EPS8: variants seen among roughly 807,000 people sequenced by gnomAD.
EPS8 encodes epidermal growth factor receptor kinase substrate 8.
Under a neutral mutation model 103.8 loss-of-function variants are expected in EPS8, and 42 were observed. The observed-to-expected ratio is 0.40, with a 90% confidence interval of 0.32 to 0.52. EPS8 has a LOEUF of 0.52. Among genes scored for constraint, EPS8 ranks in the 20% least tolerant of loss-of-function variants. The pLI, the probability that EPS8 is intolerant of heterozygous loss-of-function variation, is 0.40. For synonymous variants in EPS8, 344 were observed against 344.6 expected (o/e 1.00, Z 0.02); for missense variants, 969 against 1,005.1 (o/e 0.96, Z 0.49).
intron 13 of EPS8, among the ~76,000 whole-genome samples, chr12:15,652,171 T>C (rs192313940): frequency 3.1e-4 from 47 of 152,268 alleles, no homozygotes; most frequent in African/African-American, 7.7e-4. Flanking sequence ...TGCAGCAACA[T>C]GGATGGAACT....
At position 15,745,199 on chromosome 12, in the gene EPS8, C is replaced by A. The variant is rs548149743; in HGVS notation, c.-22+43962G>T. On this transcript the variant is annotated intron_variant, in intron 1 of 20. Coordinates refer to ENST00000281172, the MANE Select transcript of EPS8 (RefSeq NM_004447.6). This position sits in a 1 kb window ranked among gnomAD's most constrained non-coding sequence, Gnocchi z 4.6. ...TTTTAACATTATTTGTAAAGAAAAA[C>A]TCTACCTGTTTCAAAGAAATGAGTA... 5.9e-5 allele frequency among the ~76,000 whole-genome samples: 9 copies of A among 152,228 alleles called. No individual in the cohort carries two copies. Among genetic ancestry groups the A allele is most frequent in the African/African-American group, 2.2e-4 (9 of 41,552 alleles).
At position 15,728,585 on chromosome 12, in the gene EPS8, A is replaced by G. The variant is rs1352619083; in HGVS notation, c.-21-45613T>C. Among the ~76,000 whole-genome samples the G allele has an allele frequency of 1.3e-5, 2 of 152,196 alleles. No individual in the cohort carries two copies. Among genetic ancestry groups the G allele is most frequent in the Non-Finnish European group, 2.9e-5 (2 of 68,032 alleles). ...CATTGCTCCTAATACCACCATATTTATGTGAGGATAGCATATATCTTTTAC... is the reference window on the plus strand; with the variant it reads ...CATTGCTCCTAATACCACCATATTTGTGTGAGGATAGCATATATCTTTTAC... On this transcript the variant is annotated intron_variant, in intron 1 of 20. Coordinates refer to ENST00000281172, the MANE Select transcript of EPS8 (RefSeq NM_004447.6). This position sits in a 1 kb window ranked among gnomAD's most constrained non-coding sequence, Gnocchi z 4.5.
At chr12:15,634,542 C>T (rs73311006) in intron 17 of EPS8, among the ~76,000 whole-genome samples, 6,503 of 152,170 alleles carry the variant, frequency 0.043, 498 homozygotes, top group African/African-American at 0.15. Context: ...GTAAGCGCAA[C>T]AAAGCCATTA....
intron 12 of EPS8, among the ~76,000 whole-genome samples, chr12:15,657,453 A>AC (rs1469636275): frequency 2.6e-5 from 4 of 152,120 alleles, no homozygotes; most frequent in Admixed American, 2.0e-4. Context: ...TGATTTTTAG[A>AC]CTACTGTATT....
rs1413131056 is a variant in EPS8, at chr12:15,778,254, ACT to A, written c.-22+10905_-22+10906del. Among the ~76,000 whole-genome samples, 1 of 152,172 alleles carries A rather than the reference ACT, an allele frequency of 6.6e-6. No homozygotes were observed. The highest frequency in any genetic ancestry group is 2.4e-5 in the African/African-American group (1 of 41,446). Reference sequence around the variant, plus strand: ...GTGATTTTCAACAATGATTAAAAACACTCTGACACACACTCTTCAGGCATACG... The same window carrying A: ...GTGATTTTCAACAATGATTAAAAACACTGACACACACTCTTCAGGCATACG... On this transcript the variant is annotated intron_variant, in intron 1 of 20. Transcript: ENST00000281172. This position sits in a 1 kb window ranked among gnomAD's most constrained non-coding sequence, Gnocchi z 4.5.
Position 15,696,171 on chromosome 12 carries a change from C to T in EPS8, c.-21-13199G>A, listed in dbSNP as rs77201602. Among the ~76,000 whole-genome samples the T allele has an allele frequency of 5.5e-3, 840 of 152,156 alleles. 19 individuals carry two copies. The East Asian group carries it at 0.088, about 16-fold the overall frequency. On this transcript the variant is annotated intron_variant, in intron 1 of 20. Transcript: ENST00000281172. The surrounding 1 kb of genome is among the most constrained non-coding windows in gnomAD (Gnocchi z 4.8). ...TTTAATGTTTCAAGACAAGGTGAAA[C>T]AGTACTCTGTTGACAAAAAATATGT...
rs1401648277 is a variant in EPS8 at position 15,728,474 on chromosome 12, C to G, written c.-21-45502G>C. On this transcript the variant is annotated intron_variant, in intron 1 of 20. Transcript: ENST00000281172. This position sits in a 1 kb window ranked among gnomAD's most constrained non-coding sequence, Gnocchi z 4.5. ...TCATCTGTTCCTCACTACAAAGAACCTTAGAGAATGTTACACAAACACAGC... is the reference window on the plus strand; with the variant it reads ...TCATCTGTTCCTCACTACAAAGAACGTTAGAGAATGTTACACAAACACAGC... Among the ~76,000 whole-genome samples the G allele has an allele frequency of 6.6e-6, 1 of 152,136 alleles. No homozygotes were observed. Among genetic ancestry groups the G allele is most frequent in the Non-Finnish European group, 1.5e-5 (1 of 68,034 alleles).
rs1225618525 is a variant in EPS8, at chr12:15,717,953, TG to T, written c.-21-34982del. Among the ~76,000 whole-genome samples the T allele has an allele frequency of 6.6e-6, 1 of 152,216 alleles. No individual in the cohort carries two copies. Among genetic ancestry groups the T allele is most frequent in the Non-Finnish European group, 1.5e-5 (1 of 68,034 alleles). ...AGCTCCAATAAGACATGATCTTATT[TG>T]GCAATTTCAGTTAAAAAGACAGCAA... is the stretch of plus-strand genomic sequence containing the variant. On this transcript the variant is annotated intron_variant, in intron 1 of 20. Coordinates refer to ENST00000281172, the MANE Select transcript of EPS8 (RefSeq NM_004447.6). This position sits in a 1 kb window ranked among gnomAD's most constrained non-coding sequence, Gnocchi z 4.3.
intron 1 of EPS8, among the ~76,000 whole-genome samples, chr12:15,718,791 A>T (rs1946560931): frequency 6.6e-6 from 1 of 150,674 alleles, no homozygotes; most frequent in African/African-American, 2.4e-5. Context: ...TTTCCACAAA[A>T]AGTTAAACTC....
At chr12:15,631,068 G>A (rs1945036902) in intron 18 of EPS8, among the ~76,000 whole-genome samples, 1 of 152,156 alleles carries the variant, frequency 6.6e-6, no homozygotes, top group Non-Finnish European at 1.5e-5. Context: ...ATCCTATGAA[G>A]CAGATACTAT....
rs1322212793 is a variant in EPS8 at position 15,666,540 on chromosome 12, T to C, written c.517-18A>G. On this transcript the variant is annotated intron_variant, in intron 6 of 20. Transcript: ENST00000281172. ...AGGTTTGCCTGCAAAGAGACACAAG[T>C]TACCTGAAAGTTTATGGATTTTTCT... 3 of 1,590,958 alleles carry C rather than the reference T, an allele frequency of 1.9e-6. No individual in the cohort carries two copies. The highest frequency in any genetic ancestry group is 2.6e-6 in the Non-Finnish European group (3 of 1,159,390).
rs1472317231 is a variant in EPS8 at position 15,735,896 on chromosome 12, T to C, written c.-21-52924A>G. On this transcript the variant is annotated intron_variant, in intron 1 of 20. Transcript: ENST00000281172. The surrounding 1 kb of genome is among the most constrained non-coding windows in gnomAD (Gnocchi z 4.4). Reference sequence around the variant, plus strand: ...CAAAGACAAAGAGTTTGTGTTTTTTTGTGTTTTGTGACAGGGTCTTGCTCT... The same window carrying C: ...CAAAGACAAAGAGTTTGTGTTTTTTCGTGTTTTGTGACAGGGTCTTGCTCT... 6.6e-6 allele frequency among the ~76,000 whole-genome samples: 1 copy of C among 152,198 alleles called. No individual in the cohort carries two copies. The highest frequency in any genetic ancestry group is 2.4e-5 in the African/African-American group (1 of 41,448).
At position 15,734,165 on chromosome 12, in the gene EPS8, T is replaced by C. The variant is rs140854405; in HGVS notation, c.-21-51193A>G. On this transcript the variant is annotated intron_variant, in intron 1 of 20. Transcript: ENST00000281172. The surrounding 1 kb of genome is among the most constrained non-coding windows in gnomAD (Gnocchi z 4.1). ...CAGAAAATTCATTTTTAATAACCTA[T>C]AGATTAACAATGCCTTCAAAAATTT... Among the ~76,000 whole-genome samples the C allele has an allele frequency of 7.0e-3, 1,063 of 152,288 alleles. 10 individuals are homozygous for C. The highest frequency in any genetic ancestry group is 0.024 in the African/African-American group (986 of 41,560).
chr12:15,622,923 T>C (rs1944883741), intron 20 of EPS8, among the ~76,000 whole-genome samples: 2 of 152,336 alleles, frequency 1.3e-5, no homozygotes, highest in South Asian at 4.1e-4. Context: ...GAGAACATTA[T>C]GCTTTTTGTC....
chr12:15,651,847 T>C (rs760902193), intron 13 of EPS8, among the ~76,000 whole-genome samples: 9 of 152,210 alleles, frequency 5.9e-5, no homozygotes, highest in Non-Finnish European at 1.0e-4. Flanking sequence ...AGTACATTCA[T>C]TTCCTAATAC....
intron 1 of EPS8, among the ~76,000 whole-genome samples, chr12:15,741,097 T>C (rs1591911700): frequency 6.6e-6 from 1 of 152,264 alleles, no homozygotes; most frequent in South Asian, 2.1e-4. Flanking sequence ...TTCACCAAGG[T>C]GGGCTTCATG....
chr12:15,725,707 T>C lies in EPS8; in HGVS notation c.-21-42735A>G, dbSNP rs1221368673. On this transcript the variant is annotated intron_variant, in intron 1 of 20. Coordinates refer to ENST00000281172, the MANE Select transcript of EPS8 (RefSeq NM_004447.6). The surrounding 1 kb of genome is among the most constrained non-coding windows in gnomAD (Gnocchi z 4.5). Reference sequence around the variant, plus strand: ...TCATTAAAAGAATCCTGACTCATCATCATCAAATAACAGAGAAATGAACAA... The same window carrying C: ...TCATTAAAAGAATCCTGACTCATCACCATCAAATAACAGAGAAATGAACAA... 6.6e-6 allele frequency among the ~76,000 whole-genome samples: 1 copy of C among 152,200 alleles called. No individual in the cohort carries two copies. The highest frequency in any genetic ancestry group is 2.4e-5 in the African/African-American group (1 of 41,454).
chr12:15,631,817 C>A (rs1452903724), intron 17 of EPS8, 153 bp from the exon 18 acceptor site: 3 of 585,238 alleles, frequency 5.1e-6, no homozygotes, highest in Admixed American at 6.6e-5. Flanking sequence ...GTATAATGAC[C>A]ATTAAAAATC....
At chr12:15,681,158 G>A in intron 3 of EPS8, 68 bp downstream of exon 3, 2 of 752,654 alleles carry the variant, frequency 2.7e-6, no homozygotes, top group Non-Finnish European at 4.4e-6. Flanking sequence ...CAAACCATGA[G>A]TTTGAAAATG....
Sources: allele counts gnomAD v4.1 joint callset (sites outside exome capture counted in the v4.1 genomes callset), GRCh38; gene constraint gnomAD v4.1.1; non-coding constraint Gnocchi (gnomAD v3.1); transcripts MANE v1.5; gene names NCBI Gene and HGNC (gene_info 2026-07-23, HGNC 2026-07-21).